The following PREX1 variants were observed in gnomAD, a reference collection of about 807,000 sequenced individuals.
The protein encoded by PREX1 is phosphatidylinositol 3,4,5-trisphosphate-dependent Rac exchanger 1 protein.
PREX1 carries 41 observed loss-of-function variants against 198.3 expected under a neutral mutation model. The observed-to-expected ratio is 0.21, with a 90% CI of 0.16 to 0.27. The LOEUF is 0.27. PREX1 is among the 10% of genes least tolerant of loss of function. The pLI, the probability that PREX1 is intolerant of heterozygous loss-of-function variation, is 1.00. For synonymous variants in PREX1, 843 were observed against 887.2 expected, an observed-to-expected ratio of 0.95 and a Z score of 0.89; for missense variants, 1,620 against 2,200.7, an observed-to-expected ratio of 0.74 and a Z score of 5.28.
chr20:48,796,386 C>G lies in PREX1; in HGVS notation c.219+31256G>C, dbSNP rs377055774. Among the ~76,000 whole-genome samples the G allele has an allele frequency of 1.8e-3, 271 of 151,794 alleles. 4 individuals are homozygous for G. Among genetic ancestry groups the G allele is most frequent in the Middle Eastern group, 6.9e-3 (2 of 290 alleles). ...GAAATGAGGCAATTCCATGTGCTAT[C>G]ATGGAACAACCTCCATCATACAGGC... On this transcript the variant is annotated intron_variant, in intron 1 of 39. Coordinates refer to ENST00000371941, the MANE Select transcript of PREX1 (RefSeq NM_020820.4).
chr20:48,747,914 G>A lies in PREX1; in HGVS notation c.220-34C>T, dbSNP rs199812019. 2.7e-5 allele frequency: 43 copies of A among 1,574,596 alleles called. No homozygotes were observed. In the African/African-American group the frequency reaches 3.8e-4, roughly 14 times the overall value. ...GAGAAGCAGAGAGAGGTGAGTGTCC[G>A]CGTCTCCAGCTCTCCCATGGACGGC... On this transcript the variant is annotated intron_variant, in intron 1 of 39. Coordinates refer to ENST00000371941, the MANE Select transcript of PREX1 (RefSeq NM_020820.4).
the PREX1 span, among the ~76,000 whole-genome samples, chr20:48,887,195 A>T: frequency 1.3e-5 from 2 of 152,232 alleles, no homozygotes; most frequent in Non-Finnish European, 2.9e-5. Context: ...ACAAGTTAAT[A>T]CATACCTCCG....
At chr20:48,676,053 A>G in intron 14 of PREX1, 140 bp downstream of exon 14, 1 of 856,258 alleles carries the variant, frequency 1.2e-6, no homozygotes, top group Non-Finnish European at 1.8e-6. Context: ...AAAAAAAAAA[A>G]GATCAAGATG....
intron 1 of PREX1, among the ~76,000 whole-genome samples, chr20:48,790,115 G>C (rs2090331537): frequency 6.6e-6 from 1 of 152,206 alleles, no homozygotes; most frequent in Admixed American, 6.5e-5. Context: ...CCCTGGGCAT[G>C]TGACAAAACC....
At chr20:48,646,235 C>G (rs1282797145) in intron 25 of PREX1, among the ~76,000 whole-genome samples, 178 bp from the exon 26 acceptor site, 1 of 152,216 alleles carries the variant, frequency 6.6e-6, no homozygotes, top group African/African-American at 2.4e-5. Context: ...AGGCAGGAAG[C>G]CTTTCCTGTG....
the PREX1 span, among the ~76,000 whole-genome samples, chr20:48,883,036 C>T: frequency 4.0e-4 from 61 of 150,840 alleles, no homozygotes; most frequent in Admixed American, 3.1e-3. Flanking sequence ...CGGGTTCAAG[C>T]GACTCTCTTG....
chr20:48,702,714 C>T (rs1295604091), intron 6 of PREX1, among the ~76,000 whole-genome samples: 3 of 152,242 alleles, frequency 2.0e-5, no homozygotes, highest in Non-Finnish European at 4.4e-5. Context: ...GCTGCCCACC[C>T]CAGTCTGACT....
the PREX1 span, among the ~76,000 whole-genome samples, chr20:48,858,937 C>T: frequency 2.8e-4 from 43 of 151,922 alleles, no homozygotes; most frequent in African/African-American, 8.9e-4. Flanking sequence ...GCTTTGTCAC[C>T]GAGGCTGGAG....
the PREX1 span, among the ~76,000 whole-genome samples, chr20:48,869,321 C>T: frequency 6.8e-5 from 10 of 147,814 alleles, no homozygotes; most frequent in South Asian, 6.4e-4. Context: ...TTTTTTTAGA[C>T]GGGGTCTCAC....
At chr20:48,802,472 G>A (rs1169546688) in intron 1 of PREX1, among the ~76,000 whole-genome samples, 1 of 152,152 alleles carries the variant, frequency 6.6e-6, no homozygotes, top group African/African-American at 2.4e-5. Context: ...CCCATGGCTG[G>A]CTTCTCAGTG....
chr20:48,693,460 C>T lies in PREX1; in HGVS notation c.918-670G>A, dbSNP rs4809717. 4.7e-3 allele frequency among the ~76,000 whole-genome samples: 717 copies of T among 152,298 alleles called. 4 individuals carry two copies. The highest frequency in any genetic ancestry group is 0.016 in the African/African-American group (684 of 41,558). ...GAGAGCTGGCTCGCCTCTTCCACCA[C>T]GGGAGGACACAGCAAGACGGCACCA... On this transcript the variant is annotated intron_variant, in intron 7 of 39. Coordinates refer to ENST00000371941, the MANE Select transcript of PREX1 (RefSeq NM_020820.4).
At position 48,653,388 on chromosome 20, in the gene PREX1, T is replaced by C. The variant is rs1410620938; in HGVS notation, c.2319A>G (p.Ala773=). Residue 773 remains alanine, a synonymous_variant, in exon 20 of 40, where the codon GCA becomes GCG. Transcript: ENST00000371941. ...GGGCCTCTTCGCGCCGACTCCGGAA[T>C]GCCTGGAAGTGCTCCAGGACCTCAG... ...GAPEVLEHFQ[A]FRSRREEALG... The C allele has an allele frequency of 4.3e-6, 7 of 1,613,790 alleles. No homozygotes were observed. The highest frequency in any genetic ancestry group is 5.1e-6 in the Non-Finnish European group (6 of 1,179,804).
chr20:48,683,797 G>A (rs372574443), intron 10 of PREX1, among the ~76,000 whole-genome samples: 5 of 152,202 alleles, frequency 3.3e-5, no homozygotes, highest in Middle Eastern at 3.4e-3. Context: ...AAAGCACTAC[G>A]TGGGCCGAGG....
the PREX1 span, among the ~76,000 whole-genome samples, chr20:48,856,877 T>C: frequency 6.6e-6 from 1 of 152,238 alleles, no homozygotes; most frequent in Non-Finnish European, 1.5e-5. Flanking sequence ...TCTTGCTTTA[T>C]CACCCAGGTT....
At chr20:48,884,185 G>A in the PREX1 span, among the ~76,000 whole-genome samples, 5 of 149,966 alleles carry the variant, frequency 3.3e-5, no homozygotes, top group Non-Finnish European at 4.4e-5. Flanking sequence ...TTAGTTGGCT[G>A]ACCCTAAAAT....
chr20:48,645,860 T>A lies in PREX1; in HGVS notation c.3503A>T (p.Asp1168Val), dbSNP rs1158154753. 6.2e-7 allele frequency: 1 copy of A among 1,613,774 alleles called. No homozygotes were observed. The highest frequency in any genetic ancestry group is 1.1e-5 in the South Asian group (1 of 91,020). Residue 1168 changes from aspartate (D) to valine (V), a missense_variant, in exon 26 of 40, where the codon GAC (aspartate) becomes GTC (valine). Physicochemically the swap from Asp to Val is radical, Grantham distance 152 (BLOSUM62 -3). Transcript: ENST00000371941. ...TGACGGTGACACCCACCTGTAGGAG[T>A]CGCGATAACTCATGGTGTCGTGGCC... ...DSGHDTMSYRDSYSECNSNRD... is the reference protein window; with the variant it reads ...DSGHDTMSYRVSYSECNSNRD...
At chr20:48,768,331 G>T (rs939391113) in intron 1 of PREX1, among the ~76,000 whole-genome samples, 2 of 152,208 alleles carry the variant, frequency 1.3e-5, no homozygotes, top group Non-Finnish European at 2.9e-5. Flanking sequence ...AACAGAAAAT[G>T]ATTCAGTAAT....
the PREX1 span, among the ~76,000 whole-genome samples, chr20:48,863,016 T>TG: frequency 6.6e-6 from 1 of 151,670 alleles, no homozygotes; most frequent in South Asian, 2.1e-4. Flanking sequence ...TTTGTAGAGA[T>TG]GGGGTCACAC....
chr20:48,805,042 G>A (rs2090405648), intron 1 of PREX1, among the ~76,000 whole-genome samples: 1 of 152,180 alleles, frequency 6.6e-6, no homozygotes, highest in African/African-American at 2.4e-5. Context: ...TGAGCAAGAT[G>A]AGCTCAACTA....
Sources: gnomAD v4.1 joint callset for allele counts (sites outside exome capture counted in the v4.1 genomes callset) on GRCh38, gnomAD v4.1.1 for gene constraint, MANE v1.5 for transcripts, NCBI Gene and HGNC (gene_info 2026-07-23, HGNC 2026-07-21) for gene names.